NCOR1: variants seen among roughly 807,000 people sequenced by gnomAD.
The protein encoded by NCOR1 is nuclear receptor corepressor 1.
Under a neutral mutation model 288.1 loss-of-function variants are expected in NCOR1, and 63 were observed. The observed-to-expected ratio is 0.22, with a 90% CI of 0.18 to 0.27. The LOEUF (loss-of-function observed/expected upper bound fraction) is 0.27, where lower values mean the gene tolerates loss of function less well. Among genes scored for constraint, NCOR1 ranks in the 10% least tolerant of loss-of-function variants. The pLI is 1.00. For missense variants in NCOR1, 2,397 were observed against 3,019.2 expected (o/e 0.79, Z 4.83); for synonymous variants, 1,007 against 1,065.9 (o/e 0.94, Z 1.08).
chr17:16,197,570 G>T (rs1429197653), intron 1 of NCOR1, among the ~76,000 whole-genome samples: 1 of 152,150 alleles, frequency 6.6e-6, no homozygotes, highest in Non-Finnish European at 1.5e-5. Context: ...TTTGACAGGT[G>T]AGAAATCTGA....
rs1479431283 is a variant in NCOR1, at chr17:16,092,681, ATATATATATATATATTTTTTT to A, written c.2821-644_2821-624del. Among the ~76,000 whole-genome samples the A allele has an allele frequency of 6.0e-3, 119 of 19,950 alleles. 1 individual carries two copies. Among genetic ancestry groups the A allele is most frequent in the African/African-American group, 0.025 (109 of 4,300 alleles). The allele number at this position is 19,950 out of a possible 152,430, so 13.1% of individuals were successfully genotyped here. A position where few individuals can be genotyped will look rare whatever the true frequency, so the allele number is the denominator to read the frequency against. On this transcript the variant is annotated intron_variant, in intron 21 of 45. Coordinates refer to ENST00000268712, the MANE Select transcript of NCOR1 (RefSeq NM_006311.4). ...TATATATATATATATATATATATAT[ATATATATATATATATTTTTTT>A]TTTTTTTTTTTTTTAAGACATAGTC...
At chr17:16,190,234 A>G (rs2087848373) in intron 2 of NCOR1, among the ~76,000 whole-genome samples, 1 of 152,222 alleles carries the variant, frequency 6.6e-6, no homozygotes, top group Non-Finnish European at 1.5e-5. Context: ...TGTCTCTAAA[A>G]ATAAAATGAA....
At chr17:16,200,336 C>CA (rs930188478) in intron 1 of NCOR1, among the ~76,000 whole-genome samples, 28 of 143,380 alleles carry the variant, frequency 2.0e-4, no homozygotes, top group South Asian at 2.2e-4. Flanking sequence ...AACACACCCA[C>CA]AAAAAAAAAA....
At chr17:16,141,711 A>T (rs1441344954) in intron 11 of NCOR1, among the ~76,000 whole-genome samples, 1 of 152,222 alleles carries the variant, frequency 6.6e-6, no homozygotes, top group Non-Finnish European at 1.5e-5. Flanking sequence ...CATGAGATCA[A>T]GCAACTTGAT....
chr17:16,067,819 C>T, intron 32 of NCOR1, 75 bp downstream of exon 32: 1 of 1,377,762 alleles, frequency 7.3e-7, no homozygotes, highest in Non-Finnish European at 9.9e-7. Flanking sequence ...CTATATTGTA[C>T]AACAACAGAA....
chr17:16,185,285 T>C (rs1436664563), intron 3 of NCOR1, among the ~76,000 whole-genome samples: 1 of 152,142 alleles, frequency 6.6e-6, no homozygotes, highest in Non-Finnish European at 1.5e-5. Flanking sequence ...TAAATAACTT[T>C]GTGAGATGAT....
chr17:16,075,620 C>T lies in NCOR1; in HGVS notation c.3584G>A (p.Ser1195Asn), dbSNP rs1460430871. 6.2e-6 allele frequency: 10 copies of T among 1,614,208 alleles called. No individual in the cohort carries two copies. Among genetic ancestry groups the T allele is most frequent in the Non-Finnish European group, 8.5e-6 (10 of 1,180,038 alleles). ...TTCCTCTCTGCCTTTCTCAGGACTG[C>T]TGTCTTCAATGGGCATTCTCGAAAT... ...GSISRMPIED[S>N]SPEKGREEAA... Residue 1195 changes from serine to asparagine, a missense_variant, in exon 27 of 46, where the codon AGC becomes AAC. Ser to Asn is a conservative substitution (Grantham distance 46). Around this residue, in one of 11 missense-constraint regions of NCOR1, gnomAD observed 1,872 missense variants for 2,187.8 expected, o/e 0.86. Transcript: ENST00000268712.
intron 27 of NCOR1, among the ~76,000 whole-genome samples, chr17:16,074,085 G>A (rs117942956): frequency 2.4e-3 from 366 of 152,324 alleles, no homozygotes; most frequent in Non-Finnish European, 4.2e-3. Flanking sequence ...ATAAAAGAAC[G>A]TAAGCGTGGT....
Position 16,066,583 on chromosome 17 carries a change from T to C in NCOR1, c.4742-889A>G, listed in dbSNP as rs1392452931. 2.6e-5 allele frequency among the ~76,000 whole-genome samples: 4 copies of C among 152,230 alleles called. No homozygotes were observed. The East Asian group carries it at 7.7e-4, about 29-fold the overall frequency. On this transcript the variant is annotated intron_variant, in intron 32 of 45. Transcript: ENST00000268712. ...CTGAGAACTTGAGTGACCTATTTTATATGTATATGTTCTCCCTAGAAAAAC... is the reference window on the plus strand; with the variant it reads ...CTGAGAACTTGAGTGACCTATTTTACATGTATATGTTCTCCCTAGAAAAAC...
At chr17:16,076,408 C>G (rs2062454654) in intron 26 of NCOR1, among the ~76,000 whole-genome samples, 1 of 152,140 alleles carries the variant, frequency 6.6e-6, no homozygotes. Context: ...GAAACAAGAG[C>G]CTTGAAGATG....
chr17:16,079,804 T>C (rs1281280709), intron 26 of NCOR1, among the ~76,000 whole-genome samples, 160 bp downstream of exon 26: 4 of 152,254 alleles, frequency 2.6e-5, no homozygotes, highest in Non-Finnish European at 5.9e-5. Flanking sequence ...AATGATCACA[T>C]TAACGTCTCT....
At chr17:16,035,530 C>CTTTTTTT (rs966987249) in intron 44 of NCOR1, among the ~76,000 whole-genome samples, 2 of 118,340 alleles carry the variant, frequency 1.7e-5, no homozygotes, top group Non-Finnish European at 1.8e-5. Flanking sequence ...TTCTCTTGTT[C>CTTTTTTT]TTTTTTTTTT....
intron 1 of NCOR1, among the ~76,000 whole-genome samples, chr17:16,197,038 T>C (rs1349356610): frequency 3.4e-5 from 5 of 148,448 alleles, no homozygotes; most frequent in African/African-American, 5.0e-5. Flanking sequence ...GAAAAACGTA[T>C]AGAAAGAACT....
At position 16,039,745 on chromosome 17, in the gene NCOR1, C is replaced by T. The variant is rs531378586; in HGVS notation, c.6734-91G>A. The T allele has an allele frequency of 7.9e-6, 9 of 1,138,304 alleles. No individual in the cohort carries two copies. The South Asian group carries it at 9.9e-5, about 13-fold the overall frequency. 70.5% of individuals were successfully genotyped at this position (1,138,304 alleles called of 1,614,324 possible). On this transcript the variant is annotated intron_variant, in intron 43 of 45. Transcript: ENST00000268712. Reference sequence around the variant, plus strand: ...GCCCCATCAGCCCACTGAATACACACAGCACTTGGCAAGTGACCTAGAACA... The same window carrying T: ...GCCCCATCAGCCCACTGAATACACATAGCACTTGGCAAGTGACCTAGAACA...
In NCOR1 at chr17:16,032,235, A is replaced by T. The variant is rs1972145900; in HGVS notation, c.*61T>A. On this transcript the variant is annotated 3_prime_UTR_variant, in exon 46 of 46. Transcript: ENST00000268712. ...GGCAGGTTTTTGACCTGCTACTAAA[A>T]ATTAAACCACAAAAACTAGAGATCC... 6.8e-7 allele frequency: 1 copy of T among 1,475,236 alleles called. No homozygotes were observed. The highest frequency in any genetic ancestry group is 1.5e-5 in the African/African-American group (1 of 68,482). 91.4% of individuals were successfully genotyped at this position (1,475,236 alleles called of 1,614,324 possible). A position where few individuals can be genotyped will look rare whatever the true frequency, so the allele number is the denominator to read the frequency against.
intron 14 of NCOR1, among the ~76,000 whole-genome samples, chr17:16,127,586 T>TATATGTATGTATATACATATGTGC (rs1568206387): frequency 4.5e-5 from 6 of 132,432 alleles, no homozygotes; most frequent in African/African-American, 1.8e-4. Flanking sequence ...TACATATGTG[T>TATATGTATGTATATACATATGTGC]ATATATGTAT....
chr17:16,112,501 C>CT (rs904133623), intron 18 of NCOR1, among the ~76,000 whole-genome samples: 2 of 151,934 alleles, frequency 1.3e-5, no homozygotes, highest in African/African-American at 2.4e-5. Context: ...GAGAACTTTT[C>CT]TTTTTTTTCT....
At chr17:16,183,482 CAG>C in intron 3 of NCOR1, among the ~76,000 whole-genome samples, 1 of 151,816 alleles carries the variant, frequency 6.6e-6, no homozygotes, top group South Asian at 2.1e-4. Context: ...CAATTTATGA[CAG>C]AGTTCTAAAA....
Position 16,156,548 on chromosome 17 carries a change from G to C in NCOR1, c.732+2212C>G, listed in dbSNP as rs143542841. Among the ~76,000 whole-genome samples the C allele has an allele frequency of 6.6e-3, 1,008 of 151,770 alleles. 7 individuals carry two copies. The highest frequency in any genetic ancestry group is 0.021 in the Middle Eastern group (6 of 290). On this transcript the variant is annotated intron_variant, in intron 6 of 45. Transcript: ENST00000268712. ...AAAGGAGAGGGTGGAGAAGAAAAAT[G>C]AAAGAAAAAAGAAAAAAGGAAAAGA...
Sources: gnomAD v4.1 joint callset for allele counts (sites outside exome capture counted in the v4.1 genomes callset) on GRCh38, gnomAD v4.1.1 for gene constraint, gnomAD v4.1.1 regional missense constraint, MANE v1.5 for transcripts, NCBI Gene and HGNC (gene_info 2026-07-23, HGNC 2026-07-21) for gene names.